The following PTPRM variants were observed in gnomAD, a reference collection of about 807,000 sequenced individuals.
The protein encoded by PTPRM is receptor-type tyrosine-protein phosphatase mu.
A neutral mutation model predicts 186.7 loss-of-function variants in PTPRM; 47 were observed. The observed-to-expected ratio is 0.25, with a 90% CI of 0.20 to 0.32. PTPRM has a LOEUF of 0.32. Ranked by LOEUF, PTPRM falls within the 10% of genes least tolerant of loss-of-function variation. PTPRM has a pLI of 1.00. For missense variants in PTPRM, 1,494 were observed against 1,865.0 expected (o/e 0.80, Z 3.66); for synonymous variants, 668 against 674.9 (o/e 0.99, Z 0.16).
chr18:8,085,878 C>T lies in PTPRM; in HGVS notation c.1753+6C>T, dbSNP rs762231949. 2 of 1,610,330 alleles carry T rather than the reference C, an allele frequency of 1.2e-6. No homozygotes were observed. The highest frequency in any genetic ancestry group is 1.7e-6 in the Non-Finnish European group (2 of 1,177,036). The stretch of plus-strand genomic sequence containing the variant: ...GTTCACCACCAAAATATCAGGTACT[C>T]TACATTCGTGAGTTGTGTCTTTTAT... On this transcript the variant is annotated splice_donor_region_variant and intron_variant, in intron 10 of 32. Transcript: ENST00000580170.
intron 14 of PTPRM, among the ~76,000 whole-genome samples, chr18:8,207,048 T>A (rs544706578): frequency 6.6e-6 from 1 of 152,320 alleles, no homozygotes; most frequent in South Asian, 2.1e-4. Context: ...CATCTGGATT[T>A]GGGATTTCTG....
intron 7 of PTPRM, among the ~76,000 whole-genome samples, chr18:7,977,521 C>T (rs2055036142): frequency 6.6e-6 from 1 of 152,138 alleles, no homozygotes; most frequent in African/African-American, 2.4e-5. Context: ...GATAGTGTCT[C>T]TCTCTGGAGC....
intron 1 of PTPRM, among the ~76,000 whole-genome samples, chr18:7,762,534 T>G (rs2041826127): frequency 6.6e-6 from 1 of 152,132 alleles, no homozygotes; most frequent in Non-Finnish European, 1.5e-5. Context: ...GATTAAAATT[T>G]GAGTACTATC....
At chr18:7,864,483 G>A (rs1218256496) in intron 2 of PTPRM, among the ~76,000 whole-genome samples, 2 of 152,076 alleles carry the variant, frequency 1.3e-5, no homozygotes, top group Non-Finnish European at 2.9e-5. Flanking sequence ...TTTTTCTTGG[G>A]TTTGTCAAAG....
intron 22 of PTPRM, among the ~76,000 whole-genome samples, chr18:8,337,914 G>A (rs1307964467): frequency 4.6e-5 from 7 of 152,214 alleles, no homozygotes; most frequent in Admixed American, 2.6e-4. Context: ...GCGGAAAGCT[G>A]TGGGAGGATT....
chr18:8,036,026 C>A (rs566089008), intron 7 of PTPRM, among the ~76,000 whole-genome samples: 2 of 152,154 alleles, frequency 1.3e-5, no homozygotes, highest in African/African-American at 4.8e-5. Flanking sequence ...AGTAAACACT[C>A]CAAATATTAT....
chr18:8,009,581 G>A (rs1412242847), intron 7 of PTPRM, among the ~76,000 whole-genome samples: 6 of 152,064 alleles, frequency 3.9e-5, no homozygotes, highest in African/African-American at 9.7e-5. Context: ...GGTGGCGCAC[G>A]CCTGTAGTCC....
Position 8,371,590 on chromosome 18 carries a change from C to T in PTPRM, c.3171+584C>T, listed in dbSNP as rs531556167. ...ATGAACCAGCGCATTCATTCATGCT[C>T]ACTCCCATACTGGTTTTCCCCTTTT... On this transcript the variant is annotated intron_variant, in intron 24 of 32. Coordinates refer to ENST00000580170, the MANE Select transcript of PTPRM (RefSeq NM_001105244.2). Among the ~76,000 whole-genome samples, 6 of 152,304 alleles carry T rather than the reference C, an allele frequency of 3.9e-5. No individual in the cohort carries two copies. In the South Asian group the frequency reaches 1.2e-3, roughly 32 times the overall value.
chr18:7,628,954 C>G (rs2038125702), intron 1 of PTPRM, among the ~76,000 whole-genome samples: 1 of 152,212 alleles, frequency 6.6e-6, no homozygotes, highest in African/African-American at 2.4e-5. Flanking sequence ...TCATCTCCAT[C>G]TACGTGATGC....
intron 20 of PTPRM, among the ~76,000 whole-genome samples, chr18:8,303,980 A>C (rs1010222760): frequency 6.6e-6 from 1 of 152,192 alleles, no homozygotes; most frequent in African/African-American, 2.4e-5. Flanking sequence ...TATTTGCAGA[A>C]ATCAATTGTA....
At chr18:8,334,294 C>T (rs1271460036) in intron 22 of PTPRM, among the ~76,000 whole-genome samples, 1 of 152,212 alleles carries the variant, frequency 6.6e-6, no homozygotes, top group Non-Finnish European at 1.5e-5. Context: ...ACACTGTCTT[C>T]CTAGTACAGC....
intron 7 of PTPRM, among the ~76,000 whole-genome samples, chr18:7,969,555 C>T (rs1212060922): frequency 3.0e-4 from 45 of 148,642 alleles, no homozygotes; most frequent in Admixed American, 1.9e-3. Flanking sequence ...ATTGATAGAC[C>T]GCTAGCAAGA....
intron 7 of PTPRM, among the ~76,000 whole-genome samples, chr18:7,989,567 C>T (rs1215192172): frequency 6.6e-6 from 1 of 152,176 alleles, no homozygotes; most frequent in East Asian, 1.9e-4. Flanking sequence ...TTCCTGTCCA[C>T]CCACTATGCA....
intron 1 of PTPRM, among the ~76,000 whole-genome samples, chr18:7,630,506 G>A (rs1024548382): frequency 6.6e-6 from 1 of 152,156 alleles, no homozygotes; most frequent in South Asian, 2.1e-4. Context: ...ATGTGGTTAT[G>A]AGGAGGAGCA....
chr18:8,194,439 C>T (rs1011751977), intron 14 of PTPRM, among the ~76,000 whole-genome samples: 3 of 152,314 alleles, frequency 2.0e-5, no homozygotes, highest in African/African-American at 7.2e-5. Flanking sequence ...TAGAAAGTGA[C>T]GGCGGTGGAA....
At chr18:7,767,483 G>A (rs1485673542) in intron 1 of PTPRM, among the ~76,000 whole-genome samples, 2 of 152,104 alleles carry the variant, frequency 1.3e-5, no homozygotes, top group African/African-American at 4.8e-5. Context: ...AGCTTCAGTA[G>A]GATGTAGAAT....
chr18:8,382,996 C>T (rs1568874379), intron 29 of PTPRM, among the ~76,000 whole-genome samples: 1 of 152,046 alleles, frequency 6.6e-6, no homozygotes, highest in Non-Finnish European at 1.5e-5. Flanking sequence ...TCAGCTAAAT[C>T]AGAAAGATAA....
intron 23 of PTPRM, among the ~76,000 whole-genome samples, chr18:8,357,748 A>G (rs753227576): frequency 6.6e-6 from 1 of 152,220 alleles, no homozygotes; most frequent in Non-Finnish European, 1.5e-5. Context: ...CAGCAAATCC[A>G]TTTAATTAAA....
At chr18:7,818,048 T>C (rs1256215886) in intron 2 of PTPRM, among the ~76,000 whole-genome samples, 1 of 152,208 alleles carries the variant, frequency 6.6e-6, no homozygotes, top group Admixed American at 6.5e-5. Context: ...TGCAAGTTAT[T>C]CACTTCCCTC....
Sources: gnomAD v4.1 joint callset for allele counts (sites outside exome capture counted in the v4.1 genomes callset) on GRCh38, gnomAD v4.1.1 for gene constraint, MANE v1.5 for transcripts, NCBI Gene and HGNC (gene_info 2026-07-23, HGNC 2026-07-21) for gene names.